The following DDX60L variants were observed in gnomAD, a reference collection of about 807,000 sequenced individuals.
DDX60L encodes the protein probable ATP-dependent RNA helicase DDX60-like.
Under a neutral mutation model 211.6 loss-of-function variants are expected in DDX60L, and 191 were observed. That is an observed-to-expected ratio of 0.90 (90% CI 0.80 to 1.02). The LOEUF is 1.02. Ranked by LOEUF, DDX60L falls within the 50% of genes least tolerant of loss-of-function variation. The pLI, the probability that DDX60L is intolerant of heterozygous loss-of-function variation, is 0.00. For synonymous variants in DDX60L, 706 were observed against 694.1 expected (o/e 1.02, Z -0.27); for missense variants, 2,007 against 1,984.1 (o/e 1.01, Z -0.22).
intron 10 of DDX60L, among the ~76,000 whole-genome samples, chr4:168,436,051 C>T (rs1023404647): frequency 6.6e-6 from 1 of 152,162 alleles, no homozygotes; most frequent in African/African-American, 2.4e-5. Flanking sequence ...TTGCATCTGG[C>T]CCCTCCTACA....
At chr4:168,468,197 T>G (rs901469531) in intron 4 of DDX60L, among the ~76,000 whole-genome samples, 8 of 151,698 alleles carry the variant, frequency 5.3e-5, no homozygotes, top group Admixed American at 4.6e-4. Flanking sequence ...AATAAACAAG[T>G]AAAATTACAG....
In DDX60L at chr4:168,441,448, C is replaced by G. The variant is rs1456426048; in HGVS notation, c.1183G>C (p.Asp395His). The change falls in exon 10 of 38, where the codon GAC becomes CAC. Residue 395 changes from aspartate (D) to histidine (H), a missense_variant. Transcript: ENST00000682922. Reference sequence around the variant, plus strand: ...AGGTGTGACACAACATTCCACAGGTCTTCATAATCCCTCCTAATGGAATCT... The same window carrying G: ...AGGTGTGACACAACATTCCACAGGTGTTCATAATCCCTCCTAATGGAATCT... ...LGDSIRRDYEDLWNVVSHLVK... is the reference protein window; with the variant it reads ...LGDSIRRDYEHLWNVVSHLVK... The G allele has an allele frequency of 6.2e-7, 1 of 1,611,172 alleles. No individual in the cohort carries two copies. The highest frequency in any genetic ancestry group is 8.5e-7 in the Non-Finnish European group (1 of 1,178,884).
chr4:168,463,979 T>C (rs1381306499), intron 4 of DDX60L, among the ~76,000 whole-genome samples: 1 of 152,210 alleles, frequency 6.6e-6, no homozygotes, highest in Non-Finnish European at 1.5e-5. Flanking sequence ...TTTGCCATTC[T>C]ACTGGAATGT....
At chr4:168,381,927 C>T (rs912227689) in intron 30 of DDX60L, among the ~76,000 whole-genome samples, 1 of 152,270 alleles carries the variant, frequency 6.6e-6, no homozygotes, top group East Asian at 1.9e-4. Flanking sequence ...GTGTACTACT[C>T]TCTCTTCCTG....
rs190098320 is a variant in DDX60L, at chr4:168,457,805, T to A, written c.723+87A>T. 38 of 703,486 alleles carry A rather than the reference T, an allele frequency of 5.4e-5. No individual in the cohort carries two copies. The East Asian group carries it at 1.0e-3, about 19-fold the overall frequency. The allele number at this position is 703,486 out of a possible 1,614,324, so 43.6% of individuals were successfully genotyped here. ...AGGAGGTATATGGCACCCTTTAGTC[T>A]GGTCTAAGGACTGAACTAATCACAA... On this transcript the variant is annotated intron_variant, in intron 6 of 37. Transcript: ENST00000682922.
intron 29 of DDX60L, among the ~76,000 whole-genome samples, chr4:168,385,389 T>C (rs1743686894): frequency 6.6e-6 from 1 of 152,208 alleles, no homozygotes; most frequent in African/African-American, 2.4e-5. Flanking sequence ...CCTTGACCCA[T>C]ACCTTGCCCT....
rs1738439845 is a variant in DDX60L at position 168,358,145 on chromosome 4, T to C, written c.*2A>G. On this transcript the variant is annotated 3_prime_UTR_variant, in exon 38 of 38. Transcript: ENST00000682922. ...AATCAGACTTGAAAGTTTTCCATGGTGTTATTCTAAATGATTTTGACTCAT... is the reference window on the plus strand; with the variant it reads ...AATCAGACTTGAAAGTTTTCCATGGCGTTATTCTAAATGATTTTGACTCAT... 1.2e-6 allele frequency: 2 copies of C among 1,608,346 alleles called. No homozygotes were observed. Among genetic ancestry groups the C allele is most frequent in the African/African-American group, 2.7e-5 (2 of 74,756 alleles).
intron 29 of DDX60L, among the ~76,000 whole-genome samples, chr4:168,386,998 T>C (rs1264855864): frequency 2.6e-5 from 4 of 152,214 alleles, no homozygotes; most frequent in Non-Finnish European, 5.9e-5. Context: ...AAATATTCCC[T>C]TGCCAGAAAA....
intron 10 of DDX60L, among the ~76,000 whole-genome samples, chr4:168,439,237 A>C (rs1450256798): frequency 2.0e-5 from 3 of 152,172 alleles, no homozygotes; most frequent in Non-Finnish European, 4.4e-5. Context: ...ATCAAACATG[A>C]ATCTGGATGT....
At chr4:168,467,445 CA>C (rs199648164) in intron 4 of DDX60L, among the ~76,000 whole-genome samples, 1,793 of 109,056 alleles carry the variant, frequency 0.016, 44 homozygotes, top group African/African-American at 0.05. Context: ...GTTTCCATTC[CA>C]AAAAAAAAAA....
chr4:168,415,456 A>G lies in DDX60L; in HGVS notation c.2931T>C (p.Asp977=). Residue 977 remains aspartate, a synonymous_variant, in exon 22 of 38, where the codon GAT becomes GAC. Coordinates refer to ENST00000682922, the MANE Select transcript of DDX60L (RefSeq NM_001012967.3). The stretch of plus-strand genomic sequence containing the variant: ...AGGGATGAAAATGATCAAAATAAAC[A>G]TCATCATGTTTTACTGAACATATAT... ...EKHICSVKHD[D]VYFDHFHPCA... 6.2e-7 allele frequency: 1 copy of G among 1,608,218 alleles called. No homozygotes were observed. Among genetic ancestry groups the G allele is most frequent in the Non-Finnish European group, 8.5e-7 (1 of 1,176,524 alleles).
chr4:168,391,628 T>C lies in DDX60L; in HGVS notation c.3827A>G (p.Glu1276Gly). 1 of 1,570,720 alleles carries C rather than the reference T, an allele frequency of 6.4e-7. No homozygotes were observed. Among genetic ancestry groups the C allele is most frequent in the Non-Finnish European group, 8.6e-7 (1 of 1,156,406 alleles). Residue 1276 changes from glutamate to glycine, a missense_variant, in exon 29 of 38, where the codon GAA (glutamate) becomes GGA (glycine). By Grantham distance (98) the Glu-to-Gly change is moderately conservative. Coordinates refer to ENST00000682922, the MANE Select transcript of DDX60L (RefSeq NM_001012967.3). Reference sequence around the variant, plus strand: ...CATGTGGATCCCTAAGGCAAGTGTTTCAGTAGCTGTCACTACCTAGGAAAA... The same window carrying C: ...CATGTGGATCCCTAAGGCAAGTGTTCCAGTAGCTGTCACTACCTAGGAAAA... ...KGLIRVVTAT[E>G]TLALGIHMPC...
In DDX60L at chr4:168,423,775, CTTG is replaced by C; in HGVS notation, c.1931-4_1931-2del. The C allele has an allele frequency of 6.4e-7, 1 of 1,560,840 alleles. No individual in the cohort carries two copies. The highest frequency in any genetic ancestry group is 1.4e-5 in the African/African-American group (1 of 71,872). On this transcript the variant is annotated splice_acceptor_variant and splice_polypyrimidine_tract_variant and intron_variant, in intron 14 of 37. Transcript: ENST00000682922. LOFTEE classifies it high-confidence loss of function. The stretch of plus-strand genomic sequence containing the variant: ...ATACTTAAATCTTTCGAAATTTTGC[CTTG>C]TTAAAGAAACAATAAAATTGTTATA...
chr4:168,477,275 C>T (rs1018649873), intron 1 of DDX60L, among the ~76,000 whole-genome samples: 3 of 151,902 alleles, frequency 2.0e-5, no homozygotes, highest in Non-Finnish European at 4.4e-5. Flanking sequence ...ATTAGCCGGG[C>T]GTGGTGGCAG....
At chr4:168,384,932 A>G in intron 29 of DDX60L, 120 bp from the exon 30 acceptor site, 1 of 1,012,748 alleles carries the variant, frequency 9.9e-7, no homozygotes. Flanking sequence ...TTTAGTCCTG[A>G]AACTAATCTA....
Position 168,457,910 on chromosome 4 carries a change from C to A in DDX60L, c.705G>T (p.Trp235Cys), listed in dbSNP as rs373055063. Residue 235 changes from tryptophan (W) to cysteine (C), a missense_variant, in exon 6 of 38, where the codon TGG (tryptophan) becomes TGT (cysteine). By Grantham distance (215) the Trp-to-Cys change is radical. Transcript: ENST00000682922. ...TTAATACCTCTTCCATCATATCATT[C>A]CATTTCAAATGTTCAAAATGAGTTG... ...VLATHFEHLKWNDMMEEAYQT... is the reference protein window; with the variant it reads ...VLATHFEHLKCNDMMEEAYQT... The A allele has an allele frequency of 8.4e-6, 13 of 1,546,396 alleles. No individual in the cohort carries two copies. Among genetic ancestry groups the A allele is most frequent in the Non-Finnish European group, 1.1e-5 (13 of 1,143,776 alleles).
chr4:168,460,637 G>C (rs1757202497), intron 5 of DDX60L, among the ~76,000 whole-genome samples: 1 of 152,000 alleles, frequency 6.6e-6, no homozygotes, highest in Non-Finnish European at 1.5e-5. Context: ...AAAAAAGTAT[G>C]GGTTTTCCAC....
At chr4:168,473,846 C>T (rs905493693) in intron 1 of DDX60L, among the ~76,000 whole-genome samples, 2 of 152,128 alleles carry the variant, frequency 1.3e-5, no homozygotes, top group Non-Finnish European at 2.9e-5. Flanking sequence ...TTCTTCACTT[C>T]ATATTAACCA....
At chr4:168,396,147 A>C in intron 26 of DDX60L, 23 bp from the exon 27 acceptor site, 1 of 1,373,726 alleles carries the variant, frequency 7.3e-7, no homozygotes, top group Non-Finnish European at 9.8e-7. Flanking sequence ...AAAAAAAAAA[A>C]ACTTTTAAGT....
Sources: allele counts gnomAD v4.1 joint callset (sites outside exome capture counted in the v4.1 genomes callset), GRCh38; gene constraint gnomAD v4.1.1; transcripts MANE v1.5; gene names NCBI Gene and HGNC (gene_info 2026-07-23, HGNC 2026-07-21).